The following SLC14A1 variants were observed in gnomAD, a reference collection of about 807,000 sequenced individuals.
SLC14A1 encodes solute carrier family 14 member 1 (Kidd blood group).
A neutral mutation model predicts 39.6 loss-of-function variants in SLC14A1; 36 were observed. The observed-to-expected ratio is 0.91, with a 90% CI of 0.70 to 1.20. The LOEUF (loss-of-function observed/expected upper bound fraction) is 1.20, where lower values mean the gene tolerates loss of function less well. SLC14A1 is among the 50% of genes most tolerant of loss of function. The pLI is 0.00. For synonymous variants in SLC14A1, 164 were observed against 173.6 expected (o/e 0.94, Z 0.43); for missense variants, 469 against 478.7 (o/e 0.98, Z 0.19).
At chr18:45,745,519 G>A (rs764237645) in intron 8 of SLC14A1, among the ~76,000 whole-genome samples, 4 of 152,124 alleles carry the variant, frequency 2.6e-5, no homozygotes, top group Non-Finnish European at 5.9e-5. Flanking sequence ...TATGATAAGT[G>A]CCCTTTTGCT....
chr18:45,727,094 AAG>A (rs2046884896), intron 2 of SLC14A1: 3 of 603,834 alleles, frequency 5.0e-6, no homozygotes, highest in Non-Finnish European at 8.8e-6. Context: ...GGTGAAGGCA[AAG>A]TCCTCCTTCT....
rs765470894 is a variant in SLC14A1 at position 45,736,539 on chromosome 18, C to T, written c.554C>T (p.Ser185Leu). 24 of 1,614,058 alleles carry T rather than the reference C, an allele frequency of 1.5e-5. No homozygotes were observed. The East Asian group carries it at 5.1e-4, about 34-fold the overall frequency. The change falls in exon 6 of 10, where the codon TCA (serine) becomes TTA (leucine). Residue 185 changes from serine (S) to leucine (L), a missense_variant. Coordinates refer to ENST00000321925, the MANE Select transcript of SLC14A1 (RefSeq NM_015865.7). Reference protein sequence around the residue: ...VFTLPFNMALSMYLSATGHYN... With the variant: ...VFTLPFNMALLMYLSATGHYN... ...ACCCTCCCTTTCAACATGGCGTTGTCAATGTACCTTTCAGCCACAGGACAT... is the reference window on the plus strand; with the variant it reads ...ACCCTCCCTTTCAACATGGCGTTGTTAATGTACCTTTCAGCCACAGGACAT...
chr18:45,736,738 T>A, intron 6 of SLC14A1, 90 bp downstream of exon 6: 1 of 1,129,136 alleles, frequency 8.9e-7, no homozygotes, highest in Non-Finnish European at 1.3e-6. Flanking sequence ...CAGAGTCTCC[T>A]AGATGCTCAG....
chr18:45,750,826 A>C lies in SLC14A1; in HGVS notation c.*875A>C. 1.0e-6 allele frequency: 1 copy of C among 985,164 alleles called. No homozygotes were observed. The highest frequency in any genetic ancestry group is 1.1e-4 in the East Asian group (1 of 8,806). The allele number at this position is 985,164 out of a possible 1,614,324, so 61.0% of individuals were successfully genotyped here. A position where few individuals can be genotyped will look rare whatever the true frequency, so the allele number is the denominator to read the frequency against. Reference sequence around the variant, plus strand: ...TTTAACCCCTAAATTGATTTTGTAAATGCCACAAATGCATAGAATTGTTAC... The same window carrying C: ...TTTAACCCCTAAATTGATTTTGTAACTGCCACAAATGCATAGAATTGTTAC... On this transcript the variant is annotated 3_prime_UTR_variant, in exon 10 of 10. Coordinates refer to ENST00000321925, the MANE Select transcript of SLC14A1 (RefSeq NM_015865.7).
Position 45,751,109 on chromosome 18 carries a change from G to A in SLC14A1, c.*1158G>A, listed in dbSNP as rs970287555. 2.2e-5 allele frequency: 19 copies of A among 848,296 alleles called. No homozygotes were observed. In the Admixed American group the frequency reaches 5.0e-4, roughly 22 times the overall value. 52.5% of individuals were successfully genotyped at this position (848,296 alleles called of 1,614,324 possible). ...AATCCCAGCACTTTGGGGAGCCCAG[G>A]CGGGCAGATTGCTTGAACCCAGGAG... is the stretch of plus-strand genomic sequence containing the variant. On this transcript the variant is annotated 3_prime_UTR_variant, in exon 10 of 10. Coordinates refer to ENST00000321925, the MANE Select transcript of SLC14A1 (RefSeq NM_015865.7).
Position 45,739,291 on chromosome 18 carries a change from A to T in SLC14A1, c.792A>T (p.Ser264=), listed in dbSNP as rs754406733. The T allele has an allele frequency of 2.0e-5, 32 of 1,614,174 alleles. No homozygotes were observed. The highest frequency in any genetic ancestry group is 2.6e-5 in the Non-Finnish European group (31 of 1,180,030). The change falls in exon 7 of 10, where the codon TCA becomes TCT. Residue 264 remains serine, a synonymous_variant. Transcript: ENST00000321925. ...TGTGCCTGCATGCTGCCATAGGATC[A>T]TTGCTGGGCATAGCAGCGGGTGAGC... ...PLMCLHAAIG[S]LLGIAAGLSL...
At chr18:45,736,402 G>A (rs993375269) in intron 5 of SLC14A1, 54 bp from the exon 6 acceptor site, 169 of 1,558,862 alleles carry the variant, frequency 1.1e-4, no homozygotes, top group African/African-American at 1.8e-4. Flanking sequence ...TAGCGATTCC[G>A]TGTGTCAGCC....
intron 6 of SLC14A1, 78 bp from the exon 7 acceptor site, chr18:45,739,085 T>C: frequency 1.4e-6 from 2 of 1,430,086 alleles, no homozygotes; most frequent in Middle Eastern, 1.8e-4. Flanking sequence ...AAAATTACAT[T>C]GTAGGAGTTT....
Position 45,748,475 on chromosome 18 carries a change from A to G in SLC14A1, c.996+50A>G, listed in dbSNP as rs754816074. The G allele has an allele frequency of 1.9e-6, 3 of 1,585,618 alleles. No homozygotes were observed. The Admixed American group carries it at 5.0e-5, about 26-fold the overall frequency. ...TCATTAGCGTAATTGACCAGCTTAC[A>G]ACTATATGGGAAATGCTCCTGAAGT... is the stretch of plus-strand genomic sequence containing the variant. On this transcript the variant is annotated intron_variant, in intron 9 of 9. Coordinates refer to ENST00000321925, the MANE Select transcript of SLC14A1 (RefSeq NM_015865.7).
intron 1 of SLC14A1, among the ~76,000 whole-genome samples, chr18:45,724,637 T>C (rs2046814089): frequency 6.6e-6 from 1 of 152,220 alleles, no homozygotes; most frequent in South Asian, 2.1e-4. Context: ...ATTTGGGCTG[T>C]GTTCTTGAAA....
chr18:45,740,327 A>G (rs1347024780), intron 8 of SLC14A1, among the ~76,000 whole-genome samples: 1 of 152,204 alleles, frequency 6.6e-6, no homozygotes, highest in African/African-American at 2.4e-5. Flanking sequence ...GCCATTCTAA[A>G]ACTTCAGAAT....
intron 6 of SLC14A1, among the ~76,000 whole-genome samples, chr18:45,736,895 C>T (rs2047213636): frequency 7.1e-6 from 1 of 140,204 alleles, no homozygotes; most frequent in South Asian, 2.2e-4. Flanking sequence ...GTGCTAACCC[C>T]AGAGTACAGT....
chr18:45,751,987 C>CTAAAATAAAT lies in SLC14A1; in HGVS notation c.*2038_*2039insAAATAAATTA. On this transcript the variant is annotated 3_prime_UTR_variant, in exon 10 of 10. Transcript: ENST00000321925. Reference sequence around the variant, plus strand: ...AATAAACAGAAATAGGGAAGTAAACCTACAAATATTTTAGGGAGAAGCTCA... The same window carrying CTAAAATAAAT: ...AATAAACAGAAATAGGGAAGTAAACCTAAAATAAATTACAAATATTTTAGGGAGAAGCTCA... The CTAAAATAAAT allele has an allele frequency of 1.0e-6, 1 of 985,170 alleles. No homozygotes were observed. The highest frequency in any genetic ancestry group is 5.2e-4 in the Middle Eastern group (1 of 1,914). 61.0% of individuals were successfully genotyped at this position (985,170 alleles called of 1,614,324 possible). A position where few individuals can be genotyped will look rare whatever the true frequency, so the allele number is the denominator to read the frequency against.
At chr18:45,738,710 T>C (rs1202399840) in intron 6 of SLC14A1, among the ~76,000 whole-genome samples, 1 of 152,190 alleles carries the variant, frequency 6.6e-6, no homozygotes, top group African/African-American at 2.4e-5. Context: ...GTGATAATAA[T>C]CTCTATTGAA....
chr18:45,733,730 G>A (rs2047098834), intron 4 of SLC14A1, among the ~76,000 whole-genome samples: 2 of 152,198 alleles, frequency 1.3e-5, no homozygotes, highest in Non-Finnish European at 1.5e-5. Flanking sequence ...TCTATCAGGG[G>A]TCCCCAACCC....
rs146147076 is a variant in SLC14A1, at chr18:45,728,631, G to A, written c.-21-1669G>A. Among the ~76,000 whole-genome samples, 749 of 152,304 alleles carry A rather than the reference G, an allele frequency of 4.9e-3. 6 individuals are homozygous for A. Among genetic ancestry groups the A allele is most frequent in the African/African-American group, 0.017 (720 of 41,568 alleles). On this transcript the variant is annotated intron_variant, in intron 2 of 9. Coordinates refer to ENST00000321925, the MANE Select transcript of SLC14A1 (RefSeq NM_015865.7). The stretch of plus-strand genomic sequence containing the variant: ...AAATGACAGCCACCACTTAGATTAT[G>A]AAATAGAAGTACTTTTTCATAAGTG...
At chr18:45,727,111 T>A in intron 2 of SLC14A1, 2 of 668,290 alleles carry the variant, frequency 3.0e-6, no homozygotes. Flanking sequence ...CCTTCTTCAT[T>A]AGCGGTCTCC....
intron 2 of SLC14A1, chr18:45,727,156 A>T: frequency 9.4e-7 from 1 of 1,067,036 alleles, no homozygotes; most frequent in Non-Finnish European, 1.4e-6. Context: ...CCAGGAACCC[A>T]GTGGGCGCGC....
chr18:45,728,219 A>G (rs889412566), intron 2 of SLC14A1, among the ~76,000 whole-genome samples: 1 of 152,208 alleles, frequency 6.6e-6, no homozygotes, highest in African/African-American at 2.4e-5. Flanking sequence ...ACGTCTGGCC[A>G]GTTCTATTAT....
Sources: allele counts gnomAD v4.1 joint callset (sites outside exome capture counted in the v4.1 genomes callset), GRCh38; gene constraint gnomAD v4.1.1; transcripts MANE v1.5; gene names NCBI Gene and HGNC (gene_info 2026-07-23, HGNC 2026-07-21).